Variants in C1QTNF3 observed in about 807,000 individuals in gnomAD.
The protein encoded by C1QTNF3 is complement C1q tumor necrosis factor-related protein 3.
A neutral mutation model predicts 32.6 loss-of-function variants in C1QTNF3; 26 were observed. That is an observed-to-expected ratio of 0.80 (90% CI 0.58 to 1.11). C1QTNF3 has a LOEUF of 1.11. C1QTNF3 is among the 50% of genes least tolerant of loss of function. The probability of loss-of-function intolerance (pLI) is 0.00; values close to 1 mark genes in which losing one functional copy is unlikely to be tolerated. For synonymous variants in C1QTNF3, 155 were observed against 146.0 expected (o/e 1.06, Z -0.44); for missense variants, 362 against 398.2 (o/e 0.91, Z 0.77).
At chr5:34,063,643 C>T in the C1QTNF3 span, among the ~76,000 whole-genome samples, 2 of 152,140 alleles carry the variant, frequency 1.3e-5, no homozygotes, top group African/African-American at 2.4e-5. Context: ...ACAGGCCACA[C>T]ATAACTGCCC....
the C1QTNF3 span, chr5:34,201,004 CTT>C: frequency 7.2e-5 from 11 of 152,000 alleles, no homozygotes; most frequent in Non-Finnish European, 1.3e-4. Context: ...GCAAGAATCT[CTT>C]TGTCTTTATA....
chr5:34,207,367 A>G, the C1QTNF3 span, among the ~76,000 whole-genome samples: 1 of 151,468 alleles, frequency 6.6e-6, no homozygotes, highest in Non-Finnish European at 1.5e-5. Context: ...CTCAGTAATC[A>G]GTCTCTCCCT....
the C1QTNF3 span, among the ~76,000 whole-genome samples, chr5:34,202,222 AC>A: frequency 6.6e-6 from 1 of 151,876 alleles, no homozygotes; most frequent in Non-Finnish European, 1.5e-5. Flanking sequence ...AGTTGAGGAA[AC>A]CTGTCCAACA....
chr5:34,138,060 T>A, the C1QTNF3 span, among the ~76,000 whole-genome samples: 1 of 151,918 alleles, frequency 6.6e-6, no homozygotes, highest in Non-Finnish European at 1.5e-5. Context: ...TAAGAGACAA[T>A]CACGTGAACA....
the C1QTNF3 span, among the ~76,000 whole-genome samples, chr5:34,211,423 G>A: frequency 1.3e-5 from 2 of 151,736 alleles, no homozygotes; most frequent in African/African-American, 4.8e-5. Context: ...TAAGTTTTAG[G>A]GTACATGTGC....
chr5:34,182,399 G>C, the C1QTNF3 span, among the ~76,000 whole-genome samples: 24 of 152,158 alleles, frequency 1.6e-4, no homozygotes, highest in Admixed American at 1.5e-3. Context: ...AAGGGAGGAG[G>C]ATTGCAGCTC....
chr5:34,234,875 A>G, the C1QTNF3 span, among the ~76,000 whole-genome samples: 1 of 152,088 alleles, frequency 6.6e-6, no homozygotes, highest in South Asian at 2.1e-4. Flanking sequence ...GCAATTTGGG[A>G]TGCTTGAGGA....
At chr5:34,121,765 C>T in the C1QTNF3 span, among the ~76,000 whole-genome samples, 1 of 152,002 alleles carries the variant, frequency 6.6e-6, no homozygotes, top group Non-Finnish European at 1.5e-5. Flanking sequence ...AACTCTAATC[C>T]CCAAAATGAT....
chr5:34,064,974 A>C, the C1QTNF3 span, among the ~76,000 whole-genome samples: 1 of 149,750 alleles, frequency 6.7e-6, no homozygotes, highest in African/African-American at 2.4e-5. Context: ...CCCTTCTTGA[A>C]TTGGTCTTGG....
chr5:34,042,852 G>C lies in C1QTNF3; in HGVS notation c.274C>G (p.Leu92Val), dbSNP rs1395867619. ...DELPHPEVDDLAQITTFWGQS... is the reference protein window; with the variant it reads ...DELPHPEVDDVAQITTFWGQS... ...CCCCAGAATGTGGTGATCTGGGCTAGGTCATCTACCTCGGGGTGCGGTAGC... is the reference window on the plus strand; with the variant it reads ...CCCCAGAATGTGGTGATCTGGGCTACGTCATCTACCTCGGGGTGCGGTAGC... Residue 92 changes from leucine to valine, a missense_variant, in exon 1 of 6, where the codon CTA becomes GTA. Coordinates refer to ENST00000382065, the MANE Select transcript of C1QTNF3 (RefSeq NM_181435.6). 5.6e-6 allele frequency: 9 copies of C among 1,614,176 alleles called. No homozygotes were observed. The South Asian group carries it at 9.9e-5, about 18-fold the overall frequency.
chr5:34,034,862 A>G lies in C1QTNF3; in HGVS notation c.415+785T>C, dbSNP rs184921179. Reference sequence around the variant, plus strand: ...TTAACATAAGATTTTCTTGCTGTAAATTTGGTTTTGTGCAAGAAGCTACTC... The same window carrying G: ...TTAACATAAGATTTTCTTGCTGTAAGTTTGGTTTTGTGCAAGAAGCTACTC... On this transcript the variant is annotated intron_variant, in intron 2 of 5. Coordinates refer to ENST00000382065, the MANE Select transcript of C1QTNF3 (RefSeq NM_181435.6). Among the ~76,000 whole-genome samples, 369 of 152,318 alleles carry G rather than the reference A, an allele frequency of 2.4e-3. 1 individual carries two copies. The highest frequency in any genetic ancestry group is 8.3e-3 in the African/African-American group (345 of 41,560).
chr5:34,145,666 G>A, the C1QTNF3 span, among the ~76,000 whole-genome samples: 7 of 139,950 alleles, frequency 5.0e-5, no homozygotes, highest in Admixed American at 4.4e-4. Context: ...CCACAATCTG[G>A]CAGAGACACA....
chr5:34,022,983 G>C (rs1001613334), intron 5 of C1QTNF3, among the ~76,000 whole-genome samples: 1 of 152,162 alleles, frequency 6.6e-6, no homozygotes, highest in Non-Finnish European at 1.5e-5. Context: ...AGCCTCCCGA[G>C]TAGCTGGGAC....
chr5:34,127,734 T>G, the C1QTNF3 span, among the ~76,000 whole-genome samples: 6 of 151,858 alleles, frequency 4.0e-5, no homozygotes, highest in South Asian at 1.3e-3. Flanking sequence ...ATTACAGGCA[T>G]GCACCACCAC....
chr5:34,040,473 T>C (rs1056897860), intron 1 of C1QTNF3, among the ~76,000 whole-genome samples: 3 of 150,966 alleles, frequency 2.0e-5, no homozygotes, highest in Non-Finnish European at 3.0e-5. Flanking sequence ...GGAGGGGAGA[T>C]TGACAAAGGT....
the C1QTNF3 span, among the ~76,000 whole-genome samples, chr5:34,084,939 T>A: frequency 6.7e-6 from 1 of 149,498 alleles, no homozygotes; most frequent in East Asian, 1.9e-4. Context: ...TAGTACTGCC[T>A]AGGTTTTCTT....
At chr5:34,083,418 C>T in the C1QTNF3 span, among the ~76,000 whole-genome samples, 981 of 151,166 alleles carry the variant, frequency 6.5e-3, 7 homozygotes, top group Middle Eastern at 0.024. Flanking sequence ...ACACATGCCA[C>T]GTAGAATCTG....
At chr5:34,175,618 T>A in the C1QTNF3 span, 1 of 484,326 alleles carries the variant, frequency 2.1e-6, no homozygotes, top group Non-Finnish European at 3.8e-6. Flanking sequence ...TTTGACCGTA[T>A]GTGGGAAGCG....
At chr5:34,060,324 C>T in the C1QTNF3 span, among the ~76,000 whole-genome samples, 1 of 152,170 alleles carries the variant, frequency 6.6e-6, no homozygotes, top group Non-Finnish European at 1.5e-5. Flanking sequence ...CTACTACACA[C>T]CTAGGCTATA....
Sources: allele counts gnomAD v4.1 joint callset (sites outside exome capture counted in the v4.1 genomes callset), GRCh38; gene constraint gnomAD v4.1.1; transcripts MANE v1.5; gene names NCBI Gene and HGNC (gene_info 2026-07-23, HGNC 2026-07-21).